The following ASB10 variants were observed in gnomAD, a reference collection of about 807,000 sequenced individuals.
ASB10 encodes the protein ankyrin repeat and SOCS box containing 10, also known as ankyrin repeat and SOCS box protein 10.
ASB10 carries 44 observed loss-of-function variants against 35.4 expected under a neutral mutation model. That is an observed-to-expected ratio of 1.24 (90% CI 0.98 to 1.60). ASB10 has a LOEUF of 1.60. ASB10 is among the 40% of genes most tolerant of loss of function. The pLI is 0.00. For missense variants in ASB10, 647 were observed against 634.3 expected (o/e 1.02, Z -0.22); for synonymous variants, 294 against 280.4 (o/e 1.05, Z -0.49).
At position 151,186,381 on chromosome 7, in the gene ASB10, G is replaced by A; in HGVS notation, c.584+11C>T. 1 of 1,575,136 alleles carries A rather than the reference G, an allele frequency of 6.3e-7. No homozygotes were observed. Among genetic ancestry groups the A allele is most frequent in the South Asian group, 1.2e-5 (1 of 85,804 alleles). On this transcript the variant is annotated intron_variant, in intron 2 of 5. Transcript: ENST00000420175. ...GAGTGGAACTGGGGGTTGGGGTGAG[G>A]GGTCACTCACTCAAGGGTGCCAGGC...
chr7:151,186,824 G>A lies in ASB10; in HGVS notation c.307C>T (p.Arg103Cys), dbSNP rs755804051. ...ERWRDFRFNI[R>C]ALRLWSLTYE... ...GTGCCCCGGCCCGTACTCAGAGCAC[G>A]GATGTTGAAGCGGAAATCCCTCCAT... The change falls in exon 1 of 6, where the codon CGT becomes TGT. Residue 103 changes from arginine to cysteine, a missense_variant. Transcript: ENST00000420175. 1.1e-5 allele frequency: 18 copies of A among 1,597,318 alleles called. No homozygotes were observed. Among genetic ancestry groups the A allele is most frequent in the East Asian group, 1.1e-4 (5 of 44,522 alleles).
chr7:151,175,845 C>T lies in ASB10; in HGVS notation c.*122G>A. The T allele has an allele frequency of 6.1e-6, 3 of 493,458 alleles. No individual in the cohort carries two copies. Among genetic ancestry groups the T allele is most frequent in the Non-Finnish European group, 1.1e-5 (3 of 281,108 alleles). The allele number at this position is 493,458 out of a possible 1,614,324, so 30.6% of individuals were successfully genotyped here. ...TCTCTGCATTGGGAATTGCAGCATCCACACCTGCCTGCGGAGCTGGGCCTC... is the reference window on the plus strand; with the variant it reads ...TCTCTGCATTGGGAATTGCAGCATCTACACCTGCCTGCGGAGCTGGGCCTC... On this transcript the variant is annotated 3_prime_UTR_variant, in exon 6 of 6. Transcript: ENST00000420175.
chr7:151,177,403 G>A lies in ASB10; in HGVS notation c.1105-727C>T, dbSNP rs77818855. ...CCCAAGTTGTGGTTCCCACAGTCCA[G>A]GCCTGGAAGCGTGACCCCTTGCCCT... On this transcript the variant is annotated intron_variant, in intron 3 of 5. Coordinates refer to ENST00000420175, the MANE Select transcript of ASB10 (RefSeq NM_001142459.2). 5.8e-3 allele frequency among the ~76,000 whole-genome samples: 886 copies of A among 152,360 alleles called. 6 individuals carry two copies. Among genetic ancestry groups the A allele is most frequent in the Middle Eastern group, 0.024 (7 of 294 alleles).
chr7:151,180,958 C>T lies in ASB10; in HGVS notation c.1085G>A (p.Trp362Ter). 1.9e-6 allele frequency: 3 copies of T among 1,555,306 alleles called. No individual in the cohort carries two copies. Among genetic ancestry groups the T allele is most frequent in the Non-Finnish European group, 2.6e-6 (3 of 1,146,178 alleles). Residue 362 changes from tryptophan to a stop codon, truncating the protein, a stop_gained, in exon 3 of 6, where the codon TGG becomes TAG. Transcript: ENST00000420175. LOFTEE classifies it high-confidence loss of function. ...ALLNHGAVRV[W>*]PGALPKVLER... ...CCATACCTTGGGGAGGGCCCCTGGCCAGACACGGACGGCGCCATGGTTGAG... is the reference window on the plus strand; with the variant it reads ...CCATACCTTGGGGAGGGCCCCTGGCTAGACACGGACGGCGCCATGGTTGAG...
In ASB10 at chr7:151,176,144, G is replaced by C; in HGVS notation, c.1372C>G (p.Leu458Val). 1 of 1,611,882 alleles carries C rather than the reference G, an allele frequency of 6.2e-7. No individual in the cohort carries two copies. The highest frequency in any genetic ancestry group is 8.5e-7 in the Non-Finnish European group (1 of 1,179,846). ...LPLPPRLLRY[L>V]QLDFEGVLY ...AGCACGCCCTCAAAATCCAGCTGCA[G>C]GTAGCGGAGCAGGCGCGGTGGCAGG... is the stretch of plus-strand genomic sequence containing the variant. The change falls in exon 5 of 6, where the codon CTG becomes GTG. Residue 458 changes from leucine to valine, a missense_variant. Leu to Val is a conservative substitution (Grantham distance 32, BLOSUM62 1). Coordinates refer to ENST00000420175, the MANE Select transcript of ASB10 (RefSeq NM_001142459.2).
At chr7:151,180,787 C>CTA in intron 3 of ASB10, 152 bp downstream of exon 3, 1 of 1,351,030 alleles carries the variant, frequency 7.4e-7, no homozygotes, top group Non-Finnish European at 9.7e-7. Context: ...ACCTTGACCC[C>CTA]TATTTGGGCT....
intron 2 of ASB10, among the ~76,000 whole-genome samples, chr7:151,182,207 C>T (rs981315436): frequency 3.3e-5 from 5 of 152,094 alleles, no homozygotes; most frequent in Non-Finnish European, 7.4e-5. Flanking sequence ...GGGGGATCTG[C>T]ATGCTGGGAC....
intron 3 of ASB10, among the ~76,000 whole-genome samples, chr7:151,177,624 G>T (rs1474073615): frequency 6.6e-6 from 1 of 152,104 alleles, no homozygotes; most frequent in Non-Finnish European, 1.5e-5. Context: ...CTGGGTGGGG[G>T]ACTCACAGAG....
intron 4 of ASB10, 61 bp from the exon 5 acceptor site, chr7:151,176,358 C>T (rs968553846): frequency 6.6e-7 from 1 of 1,505,930 alleles, no homozygotes; most frequent in Non-Finnish European, 8.9e-7. Context: ...CCGGCTCCTC[C>T]TCACAGGGTA....
chr7:151,175,838 C>T lies in ASB10; in HGVS notation c.*129G>A, dbSNP rs944888095. ...GTCCGCTTCTCTGCATTGGGAATTGCAGCATCCACACCTGCCTGCGGAGCT... is the reference window on the plus strand; with the variant it reads ...GTCCGCTTCTCTGCATTGGGAATTGTAGCATCCACACCTGCCTGCGGAGCT... On this transcript the variant is annotated 3_prime_UTR_variant, in exon 6 of 6. Transcript: ENST00000420175. 7 of 470,652 alleles carry T rather than the reference C, an allele frequency of 1.5e-5. No individual in the cohort carries two copies. In the Admixed American group the frequency reaches 2.7e-4, roughly 18 times the overall value. The allele number at this position is 470,652 out of a possible 1,614,324, so 29.2% of individuals were successfully genotyped here.
At position 151,186,899 on chromosome 7, in the gene ASB10, T is replaced by C; in HGVS notation, c.232A>G (p.Ser78Gly). 1 of 1,613,968 alleles carries C rather than the reference T, an allele frequency of 6.2e-7. No homozygotes were observed. The highest frequency in any genetic ancestry group is 8.5e-7 in the Non-Finnish European group (1 of 1,180,012). ...GCVSRILADSSTGLAPDSVFD... is the reference protein window; with the variant it reads ...GCVSRILADSGTGLAPDSVFD... ...ACGGAATCAGGAGCCAGGCCAGTAC[T>C]GGAGTCCGCGAGGATGCGGGAGACA... Residue 78 changes from serine (S) to glycine (G), a missense_variant, in exon 1 of 6, where the codon AGT becomes GGT. Ser to Gly is a moderately conservative substitution (Grantham distance 56, BLOSUM62 0). Coordinates refer to ENST00000420175, the MANE Select transcript of ASB10 (RefSeq NM_001142459.2).
intron 4 of ASB10, 54 bp from the exon 5 acceptor site, chr7:151,176,351 G>T: frequency 6.6e-7 from 1 of 1,510,000 alleles, no homozygotes; most frequent in Non-Finnish European, 8.9e-7. Context: ...GGTAGCACCG[G>T]CTCCTCCTCA....
Position 151,186,623 on chromosome 7 carries a change from G to T in ASB10, c.353C>A (p.Thr118Asn). ...ACGGCTGGCTGCCACATGCAGTGGG[G>T]TGGTCAGCTCCTCTTCGTATGTCAG... ...WSLTYEEELTTPLHVAASRGH... is the reference protein window; with the variant it reads ...WSLTYEEELTNPLHVAASRGH... The change falls in exon 2 of 6, where the codon ACC (threonine) becomes AAC (asparagine). Residue 118 changes from threonine to asparagine, a missense_variant. Coordinates refer to ENST00000420175, the MANE Select transcript of ASB10 (RefSeq NM_001142459.2). The T allele has an allele frequency of 6.2e-7, 1 of 1,611,310 alleles. No individual in the cohort carries two copies. The highest frequency in any genetic ancestry group is 1.7e-4 in the Middle Eastern group (1 of 6,052).
Position 151,181,069 on chromosome 7 carries a change from T to C in ASB10, c.974A>G (p.Tyr325Cys), listed in dbSNP as rs142913435. Residue 325 changes from tyrosine (Y) to cysteine (C), a missense_variant, in exon 3 of 6, where the codon TAT becomes TGT. Coordinates refer to ENST00000420175, the MANE Select transcript of ASB10 (RefSeq NM_001142459.2). ...SCGVSANTMD[Y>C]GGHTPLHCAL... ...ACAGTGCAGGGGCGTGTGTCCCCCA[T>C]AGTCCATGGTGTTGGCGCTGACACC... The C allele has an allele frequency of 1.2e-6, 2 of 1,612,522 alleles. No homozygotes were observed. Among genetic ancestry groups the C allele is most frequent in the African/African-American group, 2.7e-5 (2 of 75,036 alleles).
rs1019308608 is a variant in ASB10 at position 151,186,435 on chromosome 7, C to T, written c.541G>A (p.Gly181Arg). 1.3e-6 allele frequency: 2 copies of T among 1,588,840 alleles called. No individual in the cohort carries two copies. Among genetic ancestry groups the T allele is most frequent in the African/African-American group, 2.7e-5 (2 of 74,396 alleles). Reference protein sequence around the residue: ...GADPNIADQDGKRPLHLCRGP... With the variant: ...GADPNIADQDRKRPLHLCRGP... ...CGGCAGAGATGCAGGGGGCGTTTCCCATCCTGGTCAGCGATGTTGGGGTCG... is the reference window on the plus strand; with the variant it reads ...CGGCAGAGATGCAGGGGGCGTTTCCTATCCTGGTCAGCGATGTTGGGGTCG... The change falls in exon 2 of 6, where the codon GGG becomes AGG. Residue 181 changes from glycine to arginine, a missense_variant. Physicochemically the swap from Gly to Arg is moderately radical, Grantham distance 125. Coordinates refer to ENST00000420175, the MANE Select transcript of ASB10 (RefSeq NM_001142459.2).
rs1250680426 is a variant in ASB10 at position 151,181,211 on chromosome 7, T to TGAAAGCAG, written c.831_832insCTGCTTTC (p.Ser278LeufsTer109). The TGAAAGCAG allele has an allele frequency of 1.2e-6, 2 of 1,612,840 alleles. No individual in the cohort carries two copies. Among genetic ancestry groups the TGAAAGCAG allele is most frequent in the Admixed American group, 3.3e-5 (2 of 60,016 alleles). Reference sequence around the variant, plus strand: ...TCTGCTCCAGCTGAAAGCAGCAAGCTGCACAGCTGCAGGCAGCGGGCGGTG... The same window carrying TGAAAGCAG: ...TCTGCTCCAGCTGAAAGCAGCAAGCTGAAAGCAGGCACAGCTGCAGGCAGCGGGCGGTG... On this transcript the variant is annotated frameshift_variant, in exon 3 of 6. Coordinates refer to ENST00000420175, the MANE Select transcript of ASB10 (RefSeq NM_001142459.2). LOFTEE classifies it high-confidence loss of function.
chr7:151,181,471 G>C lies in ASB10; in HGVS notation c.585-13C>G. ...CAGCTCCGCACACCTATTGGGGGGAGACGGTGGTGGGGAGGAAAGCGGGCA... is the reference window on the plus strand; with the variant it reads ...CAGCTCCGCACACCTATTGGGGGGACACGGTGGTGGGGAGGAAAGCGGGCA... On this transcript the variant is annotated splice_polypyrimidine_tract_variant and intron_variant, in intron 2 of 5. Transcript: ENST00000420175. 1 of 1,565,316 alleles carries C rather than the reference G, an allele frequency of 6.4e-7. No homozygotes were observed. The highest frequency in any genetic ancestry group is 1.3e-5 in the African/African-American group (1 of 74,146).
chr7:151,176,510 G>A (rs763403427), intron 4 of ASB10, 53 bp downstream of exon 4: 185 of 1,511,246 alleles, frequency 1.2e-4, no homozygotes, highest in Non-Finnish European at 1.6e-4. Flanking sequence ...TTAGCGGGTG[G>A]GAGTCTTGGG....
rs147954458 is a variant in ASB10 at position 151,185,654 on chromosome 7, G to A, written c.584+738C>T. 2.6e-4 allele frequency among the ~76,000 whole-genome samples: 39 copies of A among 152,310 alleles called. No homozygotes were observed. In the East Asian group the frequency reaches 7.1e-3, roughly 28 times the overall value. ...GGCAAGAGACAAGACCTGCAGGTGT[G>A]CAGTCAGTAGAGAGAGGGCCTCTAT... On this transcript the variant is annotated intron_variant, in intron 2 of 5. Coordinates refer to ENST00000420175, the MANE Select transcript of ASB10 (RefSeq NM_001142459.2).
Sources: allele counts gnomAD v4.1 joint callset (sites outside exome capture counted in the v4.1 genomes callset), GRCh38; gene constraint gnomAD v4.1.1; transcripts MANE v1.5; gene names NCBI Gene and HGNC (gene_info 2026-07-23, HGNC 2026-07-21).